The following PRKAR2B variants were observed in gnomAD, a reference collection of about 807,000 sequenced individuals.
The protein encoded by PRKAR2B is cAMP-dependent protein kinase type II-beta regulatory subunit.
PRKAR2B carries 14 observed loss-of-function variants against 49.9 expected under a neutral mutation model. The observed-to-expected ratio is 0.28, with a 90% CI of 0.19 to 0.44. The LOEUF is 0.44. PRKAR2B is among the 20% of genes least tolerant of loss of function. PRKAR2B has a pLI of 1.00. For missense variants in PRKAR2B, 393 were observed against 537.9 expected (o/e 0.73, Z 2.67); for synonymous variants, 196 against 197.7 (o/e 0.99, Z 0.07).
rs751633356 is a variant in PRKAR2B, at chr7:107,128,168, G to A, written c.397-44G>A. On this transcript the variant is annotated intron_variant, in intron 3 of 10. Coordinates refer to ENST00000265717, the MANE Select transcript of PRKAR2B (RefSeq NM_002736.3). Reference sequence around the variant, plus strand: ...TTTTAAAATCTCTTTGAGTGAGATGGTATTGGCTAATGTCTTTGTTTTTTA... The same window carrying A: ...TTTTAAAATCTCTTTGAGTGAGATGATATTGGCTAATGTCTTTGTTTTTTA... The A allele has an allele frequency of 4.9e-6, 6 of 1,214,480 alleles. No homozygotes were observed. The Admixed American group carries it at 8.8e-5, about 18-fold the overall frequency. 75.2% of individuals were successfully genotyped at this position (1,214,480 alleles called of 1,614,324 possible).
chr7:107,077,034 T>C (rs539234720), intron 2 of PRKAR2B, among the ~76,000 whole-genome samples: 18 of 152,354 alleles, frequency 1.2e-4, no homozygotes, highest in Admixed American at 3.3e-4. Context: ...GTTTCTACTT[T>C]AAGGTTATTT....
intron 5 of PRKAR2B, among the ~76,000 whole-genome samples, chr7:107,144,053 C>CTTATTTAT (rs60565381): frequency 0.015 from 2,089 of 143,486 alleles, 20 homozygotes; most frequent in Middle Eastern, 0.029. Flanking sequence ...CAATTCTTTT[C>CTTATTTAT]TTATTTATTT....
At position 107,045,001 on chromosome 7, in the gene PRKAR2B, G is replaced by T; in HGVS notation, c.94G>T (p.Ala32Ser). The T allele has an allele frequency of 6.4e-7, 1 of 1,552,400 alleles. No homozygotes were observed. The change falls in exon 1 of 11, where the codon GCG (alanine) becomes TCG (serine). Residue 32 changes from alanine to serine, a missense_variant. This residue lies in a region of PRKAR2B where 160 missense variants were observed against 147.6 expected (regional missense o/e 1.08). Transcript: ENST00000265717. ...RHQPADLLEF[A>S]LQHFTRLQQE... is the part of the protein sequence containing the mutation. ...CCAGCCCGCGGACCTGCTGGAGTTCGCGCTGCAGCACTTCACCCGCCTGCA... is the reference window on the plus strand; with the variant it reads ...CCAGCCCGCGGACCTGCTGGAGTTCTCGCTGCAGCACTTCACCCGCCTGCA...
rs892579681 is a variant in PRKAR2B, at chr7:107,055,430, C to T, written c.307+10216C>T. On this transcript the variant is annotated intron_variant, in intron 1 of 10. Transcript: ENST00000265717. Reference sequence around the variant, plus strand: ...TTGAACTAGCTTACAGTCCCACCAACAGTGTAAAAGTGTTCCTATTTCTCC... The same window carrying T: ...TTGAACTAGCTTACAGTCCCACCAATAGTGTAAAAGTGTTCCTATTTCTCC... Among the ~76,000 whole-genome samples the T allele has an allele frequency of 2.6e-5, 4 of 152,334 alleles. No individual in the cohort carries two copies. In the South Asian group the frequency reaches 8.3e-4, roughly 32 times the overall value.
chr7:107,135,420 G>A (rs189740352), intron 4 of PRKAR2B, among the ~76,000 whole-genome samples: 147 of 152,254 alleles, frequency 9.7e-4, no homozygotes, highest in East Asian at 4.0e-3. Context: ...GTAGTAAAAT[G>A]TATTGAGAAG....
Position 107,058,281 on chromosome 7 carries a change from G to A in PRKAR2B, c.308-12000G>A, listed in dbSNP as rs149599406. ...GTTACTTTATTTAAATGAGGCAGAT[G>A]CTTGTAGAAAAACAAAACTGTGTGC... On this transcript the variant is annotated intron_variant, in intron 1 of 10. Transcript: ENST00000265717. 2.0e-3 allele frequency among the ~76,000 whole-genome samples: 312 copies of A among 152,260 alleles called. 3 individuals carry two copies. The highest frequency in any genetic ancestry group is 0.018 in the Admixed American group (273 of 15,284).
In PRKAR2B at chr7:107,121,935, C is replaced by A. The variant is rs752472245; in HGVS notation, c.344-17C>A. On this transcript the variant is annotated splice_polypyrimidine_tract_variant and intron_variant, in intron 2 of 10. Coordinates refer to ENST00000265717, the MANE Select transcript of PRKAR2B (RefSeq NM_002736.3). ...TTGATGAAACAATCTTTAAGATGTT[C>A]ATTTTTGTTTTTATAGTATGTGCAG... The A allele has an allele frequency of 1.4e-5, 21 of 1,529,850 alleles. No individual in the cohort carries two copies. In the African/African-American group the frequency reaches 2.2e-4, roughly 16 times the overall value. 94.8% of individuals were successfully genotyped at this position (1,529,850 alleles called of 1,614,324 possible). A position where few individuals can be genotyped will look rare whatever the true frequency, so the allele number is the denominator to read the frequency against.
chr7:107,085,112 A>C (rs1794592193), intron 2 of PRKAR2B, among the ~76,000 whole-genome samples: 1 of 152,120 alleles, frequency 6.6e-6, no homozygotes, highest in South Asian at 2.1e-4. Flanking sequence ...CTGTTTGTAT[A>C]ACTTGGAATG....
chr7:107,104,226 G>A (rs192679487), intron 2 of PRKAR2B, among the ~76,000 whole-genome samples: 488 of 152,188 alleles, frequency 3.2e-3, no homozygotes, highest in South Asian at 0.015. Flanking sequence ...GTAGAGATGG[G>A]GTTTCACTGT....
chr7:107,123,252 A>AT (rs1795420937), intron 3 of PRKAR2B, among the ~76,000 whole-genome samples: 1 of 152,194 alleles, frequency 6.6e-6, no homozygotes, highest in African/African-American at 2.4e-5. Context: ...TATCTCATTG[A>AT]TTCAAAAGCT....
At chr7:107,074,086 G>T (rs1794342019) in intron 2 of PRKAR2B, among the ~76,000 whole-genome samples, 1 of 151,724 alleles carries the variant, frequency 6.6e-6, no homozygotes, top group Admixed American at 6.6e-5. Context: ...ATAAAATAAA[G>T]TAACAGAGAA....
intron 4 of PRKAR2B, chr7:107,128,680 T>C (rs921294863): frequency 6.0e-6 from 1 of 165,418 alleles, no homozygotes; most frequent in Admixed American, 6.3e-5. Flanking sequence ...CATGGAGGAT[T>C]GTTTCTCTTT....
chr7:107,077,351 A>G (rs979322817), intron 2 of PRKAR2B: 1 of 152,232 alleles, frequency 6.6e-6, no homozygotes, highest in African/African-American at 2.4e-5. Context: ...AGGGAAGCTG[A>G]TGATGACTCA....
intron 2 of PRKAR2B, among the ~76,000 whole-genome samples, chr7:107,112,003 CAAAAAAAA>C (rs71134251): frequency 6.5e-5 from 3 of 46,148 alleles, no homozygotes; most frequent in African/African-American, 1.9e-4. Flanking sequence ...CCTCCTCTAC[CAAAAAAAA>C]AAAAAAAAAA....
At chr7:107,086,447 G>GT (rs201458015) in intron 2 of PRKAR2B, among the ~76,000 whole-genome samples, 287 of 150,936 alleles carry the variant, frequency 1.9e-3, no homozygotes, top group African/African-American at 3.7e-3. Flanking sequence ...TATTAGTAGG[G>GT]TTTTTTTTTA....
intron 2 of PRKAR2B, among the ~76,000 whole-genome samples, chr7:107,099,322 C>T (rs1476562672): frequency 1.3e-5 from 2 of 152,120 alleles, no homozygotes; most frequent in South Asian, 2.1e-4. Flanking sequence ...TAACCAGGCG[C>T]GGGATATAAT....
intron 8 of PRKAR2B, 56 bp downstream of exon 8, chr7:107,153,307 A>T: frequency 7.8e-7 from 1 of 1,280,048 alleles, no homozygotes. Flanking sequence ...AGGTTCCTGT[A>T]GTGGTAGATC....
At chr7:107,111,521 A>G (rs1354280522) in intron 2 of PRKAR2B, among the ~76,000 whole-genome samples, 1 of 152,188 alleles carries the variant, frequency 6.6e-6, no homozygotes, top group African/African-American at 2.4e-5. Flanking sequence ...CAGGCAGCTC[A>G]AAACACAGAG....
chr7:107,145,108 A>C (rs1795866950), intron 5 of PRKAR2B, among the ~76,000 whole-genome samples: 1 of 152,176 alleles, frequency 6.6e-6, no homozygotes. Flanking sequence ...ATCTAGTCTG[A>C]ATTTCTACTT....
Sources: allele counts gnomAD v4.1 joint callset (sites outside exome capture counted in the v4.1 genomes callset), GRCh38; gene constraint gnomAD v4.1.1; regional missense constraint gnomAD v4.1.1; transcripts MANE v1.5; gene names NCBI Gene and HGNC (gene_info 2026-07-23, HGNC 2026-07-21).